LARGE1: variants seen among roughly 807,000 people sequenced by gnomAD.
LARGE1 encodes xylosyl- and glucuronyltransferase LARGE1.
In LARGE1, 43 loss-of-function variants were observed where a neutral mutation model predicts 87.6. That is an observed-to-expected ratio of 0.49 (90% confidence interval 0.38 to 0.63). The LOEUF (loss-of-function observed/expected upper bound fraction) is 0.63. Among genes scored for constraint, LARGE1 ranks in the 30% least tolerant of loss-of-function variants. The probability of loss-of-function intolerance (pLI) is 0.00; values close to 1 mark genes in which losing one functional copy is unlikely to be tolerated. For synonymous variants in LARGE1, 434 were observed against 394.6 expected, an observed-to-expected ratio of 1.10 and a Z score of -1.18; for missense variants, 802 against 1,000.2, an observed-to-expected ratio of 0.80 and a Z score of 2.67.
intron 1 of LARGE1, among the ~76,000 whole-genome samples, chr22:33,778,837 G>C (rs1023186218): frequency 6.6e-6 from 1 of 152,108 alleles, no homozygotes; most frequent in African/African-American, 2.4e-5. Context: ...TTTTAGTAGA[G>C]ATAGGGTTTC....
chr22:33,414,557 T>C (rs1363886825), intron 7 of LARGE1, among the ~76,000 whole-genome samples: 1 of 152,192 alleles, frequency 6.6e-6, no homozygotes, highest in Non-Finnish European at 1.5e-5. Context: ...CATGTTCAGA[T>C]GCTAAGAAAA....
At chr22:33,187,390 AAAGACAAATACTGC>A (rs1231480975) in intron 11 of LARGE1, among the ~76,000 whole-genome samples, 1 of 152,180 alleles carries the variant, frequency 6.6e-6, no homozygotes, top group East Asian at 1.9e-4. Context: ...CCAGAAATAG[AAAGACAAATACTGC>A]ATGATCTCAC....
At chr22:33,465,919 A>G (rs1367448557) in intron 6 of LARGE1, among the ~76,000 whole-genome samples, 1 of 152,170 alleles carries the variant, frequency 6.6e-6, no homozygotes, top group Non-Finnish European at 1.5e-5. Flanking sequence ...ATACTGCTGT[A>G]CCAACTTTCT....
intron 11 of LARGE1, among the ~76,000 whole-genome samples, chr22:33,191,668 G>A (rs1923786939): frequency 6.6e-6 from 1 of 152,256 alleles, no homozygotes; most frequent in Admixed American, 6.5e-5. Context: ...GGTGAGCACA[G>A]ACATGAGTGT....
At chr22:33,247,605 T>G (rs5754496) in intron 11 of LARGE1, among the ~76,000 whole-genome samples, 3,767 of 152,346 alleles carry the variant, frequency 0.025, 54 homozygotes, top group African/African-American at 0.033. Context: ...GCATGTTCTG[T>G]GTTTATGTCT....
downstream of LARGE1, among the ~76,000 whole-genome samples, chr22:33,268,577 G>A (rs1447101863): frequency 2.6e-5 from 4 of 151,712 alleles, no homozygotes; most frequent in East Asian, 2.0e-4. Flanking sequence ...ACTGGTGCCC[G>A]CCACCACGCC....
At chr22:33,140,592 T>G in the LARGE1 span, among the ~76,000 whole-genome samples, 6 of 152,198 alleles carry the variant, frequency 3.9e-5, no homozygotes, top group Non-Finnish European at 5.9e-5. Context: ...TGAAGGGATT[T>G]GAATTGCTGA....
At position 33,423,275 on chromosome 22, in the gene LARGE1, T is replaced by C. The variant is rs75272148; in HGVS notation, c.892+8886A>G. ...GACCACTTTATTAGGTCATTTACTA[T>C]AGCCAAACCTGACCATTACACGTTG... On this transcript the variant is annotated intron_variant, in intron 7 of 14. Coordinates refer to ENST00000397394, the MANE Select transcript of LARGE1 (RefSeq NM_133642.5). 2.5e-3 allele frequency among the ~76,000 whole-genome samples: 379 copies of C among 152,288 alleles called. 5 individuals are homozygous for C. The highest frequency in any genetic ancestry group is 8.8e-3 in the African/African-American group (365 of 41,554).
intron 1 of LARGE1, among the ~76,000 whole-genome samples, chr22:33,763,885 C>G (rs2084816198): frequency 8.1e-6 from 1 of 123,778 alleles, no homozygotes; most frequent in Non-Finnish European, 1.6e-5. Context: ...GAGACTCACT[C>G]TGTCACCAGG....
the LARGE1 span, among the ~76,000 whole-genome samples, chr22:33,134,286 T>G: frequency 2.2e-5 from 3 of 137,850 alleles, no homozygotes; most frequent in Non-Finnish European, 3.0e-5. Context: ...TGAGACAGAG[T>G]CTTGCTCTGT....
intron 9 of LARGE1, among the ~76,000 whole-genome samples, chr22:33,354,860 A>G (rs1301189255): frequency 6.6e-6 from 1 of 152,230 alleles, no homozygotes; most frequent in East Asian, 1.9e-4. Context: ...CTGTGTCACA[A>G]AGTACTAAAC....
At chr22:33,226,452 G>T (rs1269900553) in intron 11 of LARGE1, among the ~76,000 whole-genome samples, 1 of 152,202 alleles carries the variant, frequency 6.6e-6, no homozygotes, top group South Asian at 2.1e-4. Context: ...AGGCATCATT[G>T]CTTCTAGGAC....
intron 11 of LARGE1, among the ~76,000 whole-genome samples, chr22:33,236,539 GT>G (rs1239870392): frequency 2.6e-5 from 4 of 152,122 alleles, no homozygotes. Flanking sequence ...TTTCCCCTGG[GT>G]TAGTATTACA....
chr22:33,445,477 A>C (rs967749443), intron 6 of LARGE1, among the ~76,000 whole-genome samples: 2 of 152,196 alleles, frequency 1.3e-5, no homozygotes, highest in African/African-American at 4.8e-5. Flanking sequence ...GGAAGAAGGC[A>C]GGAGGAAGAG....
chr22:33,507,642 T>C (rs149540318), intron 6 of LARGE1, among the ~76,000 whole-genome samples: 186 of 152,320 alleles, frequency 1.2e-3, no homozygotes, highest in African/African-American at 4.3e-3. Flanking sequence ...GTGGCGATGG[T>C]TGTACCACAA....
chr22:33,657,935 A>T (rs2081014190), intron 2 of LARGE1, among the ~76,000 whole-genome samples: 1 of 149,462 alleles, frequency 6.7e-6, no homozygotes, highest in Non-Finnish European at 1.5e-5. Context: ...CATTTGACTA[A>T]TGAAAAAAAA....
At chr22:33,843,551 G>C (rs915635344) in intron 1 of LARGE1, among the ~76,000 whole-genome samples, 1 of 151,874 alleles carries the variant, frequency 6.6e-6, no homozygotes. Flanking sequence ...TGCATATGGG[G>C]GTTTATTCAA....
chr22:33,235,163 T>C (rs907826049), intron 11 of LARGE1, among the ~76,000 whole-genome samples: 2 of 152,150 alleles, frequency 1.3e-5, no homozygotes, highest in Admixed American at 1.3e-4. Context: ...TGTTAGGAAG[T>C]TGACAATAGT....
At chr22:33,125,872 T>C in the LARGE1 span, among the ~76,000 whole-genome samples, 1 of 152,206 alleles carries the variant, frequency 6.6e-6, no homozygotes, top group African/African-American at 2.4e-5. Flanking sequence ...CTCAGCTTCC[T>C]GAGCAGCTAG....
Sources: gnomAD v4.1 joint callset for allele counts (sites outside exome capture counted in the v4.1 genomes callset) on GRCh38, gnomAD v4.1.1 for gene constraint, MANE v1.5 for transcripts, NCBI Gene and HGNC (gene_info 2026-07-23, HGNC 2026-07-21) for gene names.